The following PMFBP1 variants were observed in gnomAD, a reference collection of about 807,000 sequenced individuals.
PMFBP1 encodes polyamine-modulated factor 1-binding protein 1.
Under a neutral mutation model 137.8 loss-of-function variants are expected in PMFBP1, and 131 were observed. The ratio of observed to expected loss-of-function variants is 0.95; its 90% confidence interval spans 0.82 to 1.10. The LOEUF is 1.10. Among genes scored for constraint, PMFBP1 ranks in the 50% least tolerant of loss-of-function variants. PMFBP1 has a pLI of 0.00. For missense variants in PMFBP1, 1,199 were observed against 1,175.4 expected (o/e 1.02, Z -0.29); for synonymous variants, 490 against 450.4 (o/e 1.09, Z -1.11).
chr16:72,185,027 C>CTT, the PMFBP1 span, among the ~76,000 whole-genome samples: 29 of 143,956 alleles, frequency 2.0e-4, no homozygotes, highest in South Asian at 2.0e-3. Context: ...GTCCTGTTTT[C>CTT]TTTTTTTTTT....
chr16:72,130,588 G>C lies in PMFBP1; in HGVS notation c.1582C>G (p.Leu528Val), dbSNP rs753438762. 1.6e-4 allele frequency: 261 copies of C among 1,613,964 alleles called. No homozygotes were observed. Among genetic ancestry groups the C allele is most frequent in the Non-Finnish European group, 2.2e-4 (255 of 1,180,034 alleles). The change falls in exon 11 of 21, where the codon CTT (leucine) becomes GTT (valine). Residue 528 changes from leucine to valine, a missense_variant. Coordinates refer to ENST00000237353, the MANE Select transcript of PMFBP1 (RefSeq NM_031293.3). Reference protein sequence around the residue: ...ADTIQELQRELQMLQKESSMA... With the variant: ...ADTIQELQREVQMLQKESSMA... ...GAGGACTCCTTCTGCAGCATCTGAAGTTCTCTCTGTAGTTCCTGGATGGTG... is the reference window on the plus strand; with the variant it reads ...GAGGACTCCTTCTGCAGCATCTGAACTTCTCTCTGTAGTTCCTGGATGGTG...
intron 13 of PMFBP1, 78 bp downstream of exon 13, chr16:72,128,988 C>T (rs975579333): frequency 1.9e-5 from 29 of 1,545,892 alleles, no homozygotes; most frequent in African/African-American, 6.9e-5. Flanking sequence ...CCAGGGCCTC[C>T]GCATCCCTGG....
chr16:72,121,499 G>T (rs1597456851), intron 19 of PMFBP1, among the ~76,000 whole-genome samples: 1 of 152,316 alleles, frequency 6.6e-6, no homozygotes, highest in East Asian at 1.9e-4. Context: ...CTAGAATAGG[G>T]CTTTCCACCT....
At position 72,124,851 on chromosome 16, in the gene PMFBP1, C is replaced by A. The variant is rs1375064127; in HGVS notation, c.2505G>T (p.Met835Ile). The A allele has an allele frequency of 1.2e-6, 2 of 1,614,238 alleles. No individual in the cohort carries two copies. Among genetic ancestry groups the A allele is most frequent in the East Asian group, 2.2e-5 (1 of 44,882 alleles). Residue 835 changes from methionine to isoleucine, a missense_variant, in exon 17 of 21, where the codon ATG becomes ATT. Physicochemically the swap from Met to Ile is conservative, Grantham distance 10 (BLOSUM62 1). Coordinates refer to ENST00000237353, the MANE Select transcript of PMFBP1 (RefSeq NM_031293.3). ...WQKQHQNDLK[M>I]LAAKEEQLRE... is the part of the protein sequence containing the mutation. ...TGAGCTGCTCCTCTTTGGCTGCCAG[C>A]ATCTTGAGGTCATTCTGGTGTTGCT... is the stretch of plus-strand genomic sequence containing the variant.
At chr16:72,220,563 A>G in the PMFBP1 span, among the ~76,000 whole-genome samples, 37 of 152,214 alleles carry the variant, frequency 2.4e-4, no homozygotes, top group Non-Finnish European at 4.9e-4. Context: ...TGCATTTCCT[A>G]GATTTTCTAT....
chr16:72,130,750 A>G (rs763701048), intron 10 of PMFBP1, 28 bp from the exon 11 acceptor site: 2 of 1,588,140 alleles, frequency 1.3e-6, no homozygotes, highest in African/African-American at 2.7e-5. Flanking sequence ...TGGCCATGTG[A>G]GAAGGGAGGG....
intron 5 of PMFBP1, among the ~76,000 whole-genome samples, chr16:72,143,022 T>C (rs2042746304): frequency 6.6e-6 from 1 of 152,236 alleles, no homozygotes; most frequent in African/African-American, 2.4e-5. Context: ...ATAGGGTTTA[T>C]TCCAGGAACA....
At chr16:72,212,979 A>C in the PMFBP1 span, among the ~76,000 whole-genome samples, 3 of 152,234 alleles carry the variant, frequency 2.0e-5, no homozygotes, top group Non-Finnish European at 4.4e-5. Flanking sequence ...AATGTTAGGG[A>C]ATATCAATAT....
chr16:72,188,007 A>G, the PMFBP1 span, among the ~76,000 whole-genome samples: 1 of 152,224 alleles, frequency 6.6e-6, no homozygotes, highest in East Asian at 1.9e-4. Context: ...TAGGTACAAG[A>G]ATGGTCTCAT....
At chr16:72,136,963 G>A in intron 7 of PMFBP1, 144 bp from the exon 8 acceptor site, 5 of 1,111,102 alleles carry the variant, frequency 4.5e-6, no homozygotes, top group Non-Finnish European at 6.4e-6. Flanking sequence ...TGGGTGTGCG[G>A]AGTGACTGCT....
intron 2 of PMFBP1, among the ~76,000 whole-genome samples, chr16:72,166,279 C>T (rs201506796): frequency 2.2e-4 from 34 of 152,186 alleles, no homozygotes; most frequent in African/African-American, 5.3e-4. Flanking sequence ...TGAGTTCTTA[C>T]GAGATCTGAT....
chr16:72,184,907 A>C, the PMFBP1 span, among the ~76,000 whole-genome samples: 1 of 152,242 alleles, frequency 6.6e-6, no homozygotes, highest in Admixed American at 6.5e-5. Context: ...CTCCTCCAAC[A>C]ACTAGAGATA....
At chr16:72,240,867 G>A in the PMFBP1 span, among the ~76,000 whole-genome samples, 1 of 151,814 alleles carries the variant, frequency 6.6e-6, no homozygotes, top group Non-Finnish European at 1.5e-5. Flanking sequence ...CAGTAACTCT[G>A]TTATCTTTCC....
Position 72,123,627 on chromosome 16 carries a change from G to C in PMFBP1, c.2612C>G (p.Ser871Cys), listed in dbSNP as rs1172486218. The C allele has an allele frequency of 6.2e-7, 1 of 1,613,860 alleles. No homozygotes were observed. The highest frequency in any genetic ancestry group is 8.5e-7 in the Non-Finnish European group (1 of 1,179,898). ...DKEPCCLPQW[S>C]VPKDTCRLYR... The stretch of plus-strand genomic sequence containing the variant: ...GAGCCTACAGGTGTCTTTGGGCACA[G>C]ACCACTGGGGCAGGCAGCAGGGCTT... The change falls in exon 18 of 21, where the codon TCT becomes TGT. Residue 871 changes from serine to cysteine, a missense_variant. Transcript: ENST00000237353.
rs914076767 is a variant in PMFBP1 at position 72,119,889 on chromosome 16, A to G, written c.2969T>C (p.Met990Thr). The G allele has an allele frequency of 1.2e-6, 2 of 1,614,200 alleles. No individual in the cohort carries two copies. The highest frequency in any genetic ancestry group is 1.7e-6 in the Non-Finnish European group (2 of 1,180,040). ...KGLPQDMGQR[M>T]DLTKYIGMPH... ...CATCCCGATGTACTTGGTGAGGTCC[A>G]TTCTTTGACCCATATCCTGGGGCAA... The change falls in exon 20 of 21, where the codon ATG (methionine) becomes ACG (threonine). Residue 990 changes from methionine to threonine, a missense_variant. Physicochemically the swap from Met to Thr is moderately conservative, Grantham distance 81. Transcript: ENST00000237353.
In PMFBP1 at chr16:72,126,094, G is replaced by C; in HGVS notation, c.2127C>G (p.Ala709=). The C allele has an allele frequency of 6.2e-7, 1 of 1,614,138 alleles. No individual in the cohort carries two copies. Among genetic ancestry groups the C allele is most frequent in the Non-Finnish European group, 8.5e-7 (1 of 1,180,022 alleles). The stretch of plus-strand genomic sequence containing the variant: ...CCTTCTGCAGAGCTTTGTCCAGCTG[G>C]GCCTGCAGGCTCATTAAGGACTCCT... ...LQKESLMSLQ[A]QLDKALQKEK... The change falls in exon 15 of 21, where the codon GCC becomes GCG. Residue 709 remains alanine (A), a synonymous_variant. Coordinates refer to ENST00000237353, the MANE Select transcript of PMFBP1 (RefSeq NM_031293.3).
the PMFBP1 span, among the ~76,000 whole-genome samples, chr16:72,189,974 G>A: frequency 6.6e-6 from 1 of 152,088 alleles, no homozygotes; most frequent in Non-Finnish European, 1.5e-5. Context: ...ATGAGTCACG[G>A]GTCTTGGCAG....
At position 72,164,934 on chromosome 16, in the gene PMFBP1, C is replaced by A. The variant is rs746775311; in HGVS notation, c.13-18G>T. 1.3e-6 allele frequency: 2 copies of A among 1,570,094 alleles called. No homozygotes were observed. The highest frequency in any genetic ancestry group is 1.7e-6 in the Non-Finnish European group (2 of 1,149,676). ...TCCCCCGCCTAGGCAGCCAGAAAAA[C>A]AAAAGCATCAATTATAAACTATCAA... On this transcript the variant is annotated intron_variant, in intron 2 of 20. Coordinates refer to ENST00000237353, the MANE Select transcript of PMFBP1 (RefSeq NM_031293.3).
In PMFBP1 at chr16:72,119,343, A is replaced by G. The variant is rs767841982; in HGVS notation, c.3019T>C (p.Cys1007Arg). The G allele has an allele frequency of 7.3e-5, 118 of 1,614,052 alleles. No individual in the cohort carries two copies. The highest frequency in any genetic ancestry group is 9.5e-5 in the Non-Finnish European group (112 of 1,179,966). The change falls in exon 21 of 21, where the codon TGC becomes CGC. Residue 1007 changes from cysteine to arginine, a missense_variant. Cys to Arg is a radical substitution (Grantham distance 180). Transcript: ENST00000237353. ...CTCAGGGCTAGATGTGGATTCTAGC[A>G]GTATGAGGAACCTGAGGGAACAGGG... Reference protein sequence around the residue: ...GMPHCPGSSYC With the variant: ...GMPHCPGSSYR
Sources: allele counts gnomAD v4.1 joint callset (sites outside exome capture counted in the v4.1 genomes callset), GRCh38; gene constraint gnomAD v4.1.1; transcripts MANE v1.5; gene names NCBI Gene and HGNC (gene_info 2026-07-23, HGNC 2026-07-21).